The following ROBO3 variants were observed in gnomAD, a reference collection of about 807,000 sequenced individuals.
ROBO3 encodes the protein roundabout guidance receptor 3.
Under a neutral mutation model 160.5 loss-of-function variants are expected in ROBO3, and 97 were observed. The ratio of observed to expected loss-of-function variants is 0.60; its 90% CI spans 0.51 to 0.72. ROBO3 has a LOEUF of 0.72. Ranked by LOEUF, ROBO3 falls within the 30% of genes least tolerant of loss-of-function variation. The pLI is 0.00. For missense variants in ROBO3, 1,858 were observed against 1,846.5 expected, an observed-to-expected ratio of 1.01 and a Z score of -0.11; for synonymous variants, 780 against 746.2, an observed-to-expected ratio of 1.05 and a Z score of -0.74.
chr11:124,880,558 C>G lies in ROBO3; in HGVS notation c.4099C>G (p.Arg1367Gly). 6.8e-7 allele frequency: 1 copy of G among 1,465,028 alleles called. No homozygotes were observed. Among genetic ancestry groups the G allele is most frequent in the Non-Finnish European group, 9.0e-7 (1 of 1,116,182 alleles). The allele number at this position is 1,465,028 out of a possible 1,614,324, so 90.8% of individuals were successfully genotyped here. A position where few individuals can be genotyped will look rare whatever the true frequency, so the allele number is the denominator to read the frequency against. The change falls in exon 27 of 28, where the codon CGG (arginine) becomes GGG (glycine). Residue 1367 changes from arginine (R) to glycine (G), a missense_variant. Coordinates refer to ENST00000397801, the MANE Select transcript of ROBO3 (RefSeq NM_022370.4). ...GSRGPGRSRSRSQSRSQSQRP... is the reference protein window; with the variant it reads ...GSRGPGRSRSGSQSRSQSQRP... ...CCGGGGCCCTGGCCGGAGCCGGAGT[C>G]GGAGTCAGAGCCGGAGCCAGAGCCA...
chr11:124,879,076 G>C (rs1458853574), intron 23 of ROBO3, 114 bp from the exon 24 acceptor site: 1 of 1,261,348 alleles, frequency 7.9e-7, no homozygotes, highest in Non-Finnish European at 1.1e-6. Context: ...CTTACGGGCG[G>C]ACGGGTTGTG....
At chr11:124,875,870 T>C (rs1591515255) in intron 15 of ROBO3, 84 bp from the exon 16 acceptor site, 1 of 1,503,374 alleles carries the variant, frequency 6.7e-7, no homozygotes, top group East Asian at 2.4e-5. Context: ...TGTATAAGGC[T>C]TCTCTACCAT....
At position 124,869,672 on chromosome 11, in the gene ROBO3, G is replaced by A. The variant is rs1397440395; in HGVS notation, c.645+65G>A. On this transcript the variant is annotated intron_variant, in intron 3 of 27. Transcript: ENST00000397801. This position sits in a 1 kb window ranked among gnomAD's most constrained non-coding sequence, Gnocchi z 4.2. ...GGGACATAGGGTAGGGAGGTGACAAGGCTGGAGATTGAGATCAGGGCATTA... is the reference window on the plus strand; with the variant it reads ...GGGACATAGGGTAGGGAGGTGACAAAGCTGGAGATTGAGATCAGGGCATTA... 7.4e-6 allele frequency: 11 copies of A among 1,477,474 alleles called. No homozygotes were observed. The highest frequency in any genetic ancestry group is 8.2e-6 in the Non-Finnish European group (9 of 1,102,130). The allele number at this position is 1,477,474 out of a possible 1,614,324, so 91.5% of individuals were successfully genotyped here. A position where few individuals can be genotyped will look rare whatever the true frequency, so the allele number is the denominator to read the frequency against.
Position 124,869,442 on chromosome 11 carries a change from C to CCCCCCCCAA in ROBO3, c.488-7_488-6insCCCCCCAAC. On this transcript the variant is annotated splice_polypyrimidine_tract_variant and splice_region_variant and intron_variant, in intron 2 of 27. Coordinates refer to ENST00000397801, the MANE Select transcript of ROBO3 (RefSeq NM_022370.4). The surrounding 1 kb of genome is among the most constrained non-coding windows in gnomAD (Gnocchi z 4.2). ...CCTGCTTATTTCGCCCCCCACCGCC[C>CCCCCCCCAA]CGCCCAGTCCTCCGTGATGATTTCC... 4 of 1,501,004 alleles carry CCCCCCCCAA rather than the reference C, an allele frequency of 2.7e-6. No individual in the cohort carries two copies. The highest frequency in any genetic ancestry group is 3.6e-6 in the Non-Finnish European group (4 of 1,101,516). 93.0% of individuals were successfully genotyped at this position (1,501,004 alleles called of 1,614,324 possible). A position where few individuals can be genotyped will look rare whatever the true frequency, so the allele number is the denominator to read the frequency against.
chr11:124,878,357 T>C lies in ROBO3; in HGVS notation c.3241T>C (p.Trp1081Arg). The C allele has an allele frequency of 1.2e-6, 2 of 1,613,934 alleles. No homozygotes were observed. The highest frequency in any genetic ancestry group is 1.7e-6 in the Non-Finnish European group (2 of 1,179,864). Residue 1081 changes from tryptophan (W) to arginine (R), a missense_variant, in exon 22 of 28, where the codon TGG becomes CGG. By Grantham distance (101) the Trp-to-Arg change is moderately radical. Transcript: ENST00000397801. The surrounding 1 kb of genome is among the most constrained non-coding windows in gnomAD (Gnocchi z 4.3). ...ACCTGTGCAGATGCCCTCTCTGAAC[T>C]GGCCAGAAGCCCTGCCCCCACCTCC... ...GKPVQMPSLN[W>R]PEALPPPPPS...
At chr11:124,880,096 T>C (rs981546026) in intron 26 of ROBO3, 148 bp downstream of exon 26, 1 of 896,064 alleles carries the variant, frequency 1.1e-6, no homozygotes, top group Non-Finnish European at 1.6e-6. Context: ...TCTCTAACTC[T>C]CTGAGCACAA....
Position 124,878,451 on chromosome 11 carries a change from T to C in ROBO3, c.3320+15T>C, listed in dbSNP as rs764768516. 1 of 1,610,838 alleles carries C rather than the reference T, an allele frequency of 6.2e-7. No homozygotes were observed. The highest frequency in any genetic ancestry group is 8.5e-7 in the Non-Finnish European group (1 of 1,177,932). ...CTGGAGGGCAGGTAGAGATGCTCCC[T>C]GCTTCCAGGCCCACACACCTGCGGC... is the stretch of plus-strand genomic sequence containing the variant. On this transcript the variant is annotated intron_variant, in intron 22 of 27. Coordinates refer to ENST00000397801, the MANE Select transcript of ROBO3 (RefSeq NM_022370.4). The surrounding 1 kb of genome is among the most constrained non-coding windows in gnomAD (Gnocchi z 4.3).
intron 17 of ROBO3, 35 bp from the exon 18 acceptor site, chr11:124,877,126 A>G (rs1442633169): frequency 3.1e-6 from 5 of 1,611,268 alleles, no homozygotes; most frequent in Non-Finnish European, 4.2e-6. Flanking sequence ...TCCTCATTTC[A>G]CCTCTTCTTT....
In ROBO3 at chr11:124,881,270, A is replaced by AATATCATG. The variant is rs758754415; in HGVS notation, c.*22_*29dup. 1.0e-5 allele frequency: 16 copies of AATATCATG among 1,599,936 alleles called. No individual in the cohort carries two copies. The African/African-American group carries it at 2.0e-4, about 20-fold the overall frequency. On this transcript the variant is annotated 3_prime_UTR_variant, in exon 28 of 28. Transcript: ENST00000397801. ...AGATGACCCTTGTTGGGGCATTGAG[A>AATATCATG]ATATCATGAGTGCCACGGGGAAGGG...
intron 1 of ROBO3, 43 bp from the exon 2 acceptor site, chr11:124,868,759 C>T (rs1163619006): frequency 1.3e-6 from 2 of 1,549,268 alleles, no homozygotes; most frequent in Admixed American, 3.8e-5. Flanking sequence ...TCTCTCCCCA[C>T]AATTTCCCTG....
chr11:124,870,422 A>C, intron 5 of ROBO3, 119 bp downstream of exon 5: 1 of 1,478,720 alleles, frequency 6.8e-7, no homozygotes, highest in South Asian at 1.3e-5. Context: ...TGTTCCCTAG[A>C]GCCTGTGGCC....
Position 124,873,827 on chromosome 11 carries a change from G to A in ROBO3, c.1749G>A (p.Gly583=), listed in dbSNP as rs753520180. The A allele has an allele frequency of 3.7e-6, 6 of 1,613,572 alleles. No homozygotes were observed. In the Admixed American group the frequency reaches 8.3e-5, roughly 22 times the overall value. Reference sequence around the variant, plus strand: ...CCTGGAAGCCCAACCCACAAACTGGGGCTGCAGTCACGTCTTATGTGATAG... The same window carrying A: ...CCTGGAAGCCCAACCCACAAACTGGAGCTGCAGTCACGTCTTATGTGATAG... ...TLTWKPNPQT[G]AAVTSYVIEA... Residue 583 remains glycine, a synonymous_variant, in exon 11 of 28, where the codon GGG becomes GGA. Transcript: ENST00000397801. This position sits in a 1 kb window ranked among gnomAD's most constrained non-coding sequence, Gnocchi z 4.5.
chr11:124,881,313 C>A lies in ROBO3; in HGVS notation c.*63C>A. ...GGGAAGGGGAGTAGGGATGTCTTTTCCCCCCCAGCAGTGATGAGTGGGGCT... is the reference window on the plus strand; with the variant it reads ...GGGAAGGGGAGTAGGGATGTCTTTTACCCCCCAGCAGTGATGAGTGGGGCT... On this transcript the variant is annotated 3_prime_UTR_variant, in exon 28 of 28. Coordinates refer to ENST00000397801, the MANE Select transcript of ROBO3 (RefSeq NM_022370.4). 6.6e-7 allele frequency: 1 copy of A among 1,516,238 alleles called. No homozygotes were observed. Among genetic ancestry groups the A allele is most frequent in the Non-Finnish European group, 9.0e-7 (1 of 1,109,146 alleles). 93.9% of individuals were successfully genotyped at this position (1,516,238 alleles called of 1,614,324 possible).
intron 1 of ROBO3, chr11:124,868,448 G>A (rs778866128): frequency 1.1e-4 from 63 of 575,060 alleles, no homozygotes; most frequent in Non-Finnish European, 1.7e-4. Context: ...CACTGGGCAG[G>A]AGGCGAGGGA....
Position 124,868,871 on chromosome 11 carries a change from G to C in ROBO3, c.230G>C (p.Arg77Pro), listed in dbSNP as rs1160814226. 1 of 1,607,916 alleles carries C rather than the reference G, an allele frequency of 6.2e-7. No homozygotes were observed. The highest frequency in any genetic ancestry group is 8.5e-7 in the Non-Finnish European group (1 of 1,178,090). The part of the protein sequence containing the change: ...VEQPPDLLVS[R>P]GEPATLPCRA... ...CAGCCGCCAGATCTGCTGGTCTCCCGAGGCGAGCCCGCCACGTTGCCCTGC... is the reference window on the plus strand; with the variant it reads ...CAGCCGCCAGATCTGCTGGTCTCCCCAGGCGAGCCCGCCACGTTGCCCTGC... The change falls in exon 2 of 28, where the codon CGA becomes CCA. Residue 77 changes from arginine (R) to proline (P), a missense_variant. Arg to Pro is a moderately radical substitution (Grantham distance 103). Coordinates refer to ENST00000397801, the MANE Select transcript of ROBO3 (RefSeq NM_022370.4).
chr11:124,876,054 A>G lies in ROBO3; in HGVS notation c.2522A>G (p.Tyr841Cys). 1 of 1,610,080 alleles carries G rather than the reference A, an allele frequency of 6.2e-7. No homozygotes were observed. The highest frequency in any genetic ancestry group is 2.2e-5 in the East Asian group (1 of 44,776). Reference protein sequence around the residue: ...MLRGLVPGLLYRTLVAAATSA... With the variant: ...MLRGLVPGLLCRTLVAAATSA... ...CGAGGACTGGTGCCCGGTCTCCTCT[A>G]TCGAACCCTGGTCGCGGCGGCCACC... Residue 841 changes from tyrosine (Y) to cysteine (C), a missense_variant, in exon 16 of 28, where the codon TAT becomes TGT. Coordinates refer to ENST00000397801, the MANE Select transcript of ROBO3 (RefSeq NM_022370.4). This position sits in a 1 kb window ranked among gnomAD's most constrained non-coding sequence, Gnocchi z 5.3.
chr11:124,881,042 A>G (rs1452274057), intron 27 of ROBO3, among the ~76,000 whole-genome samples, 197 bp from the exon 28 acceptor site: 2 of 152,178 alleles, frequency 1.3e-5, no homozygotes, highest in African/African-American at 4.8e-5. Context: ...CGACAGAGTG[A>G]GACTCTGTCT....
Position 124,869,016 on chromosome 11 carries a change from C to T in ROBO3, c.375C>T (p.Phe125=), listed in dbSNP as rs1462220268. 2 of 1,601,234 alleles carry T rather than the reference C, an allele frequency of 1.2e-6. No homozygotes were observed. The highest frequency in any genetic ancestry group is 8.5e-7 in the Non-Finnish European group (1 of 1,174,752). Residue 125 remains phenylalanine, a synonymous_variant, in exon 2 of 28, where the codon TTC becomes TTT. Transcript: ENST00000397801. This position sits in a 1 kb window ranked among gnomAD's most constrained non-coding sequence, Gnocchi z 4.2. ...RLLLPSGALF[F]PRIVHGRRAR... ...TGCTGCCCAGCGGCGCCCTCTTCTT[C>T]CCGCGCATCGTGCACGGGCGCCGCG...
Position 124,874,135 on chromosome 11 carries a change from G to A in ROBO3, c.1850G>A (p.Ser617Asn), listed in dbSNP as rs1946316721. The A allele has an allele frequency of 6.2e-7, 1 of 1,613,884 alleles. No individual in the cohort carries two copies. The highest frequency in any genetic ancestry group is 1.7e-5 in the Admixed American group (1 of 60,006). Reference sequence around the variant, plus strand: ...GTGCAGCTGGAGACACACACAGTCAGCGGTCTGCAGCCCAATACCATCTAC... The same window carrying A: ...GTGCAGCTGGAGACACACACAGTCAACGGTCTGCAGCCCAATACCATCTAC... ...DGVQLETHTV[S>N]GLQPNTIYLF... Residue 617 changes from serine (S) to asparagine (N), a missense_variant, in exon 12 of 28, where the codon AGC becomes AAC. Transcript: ENST00000397801.
Sources: allele counts gnomAD v4.1 joint callset (sites outside exome capture counted in the v4.1 genomes callset), GRCh38; gene constraint gnomAD v4.1.1; non-coding constraint Gnocchi (gnomAD v3.1); transcripts MANE v1.5; gene names NCBI Gene and HGNC (gene_info 2026-07-23, HGNC 2026-07-21).